RIN3: variants seen among roughly 807,000 people sequenced by gnomAD.
The protein encoded by RIN3 is Ras and Rab interactor 3.
A neutral mutation model predicts 76.3 loss-of-function variants in RIN3; 54 were observed. The observed-to-expected ratio is 0.71, with a 90% CI of 0.57 to 0.89. The LOEUF is 0.89. Among genes scored for constraint, RIN3 ranks in the 40% least tolerant of loss-of-function variants. The pLI, the probability that RIN3 is intolerant of heterozygous loss-of-function variation, is 0.00. For synonymous variants in RIN3, 576 were observed against 564.0 expected, an observed-to-expected ratio of 1.02 and a Z score of -0.30; for missense variants, 1,256 against 1,322.1, an observed-to-expected ratio of 0.95 and a Z score of 0.78.
rs541907123 is a variant in RIN3 at position 92,599,458 on chromosome 14, C to T, written c.368-15949C>T. On this transcript the variant is annotated intron_variant, in intron 3 of 9. Coordinates refer to ENST00000216487, the MANE Select transcript of RIN3 (RefSeq NM_024832.5). The stretch of plus-strand genomic sequence containing the variant: ...ATGAAGGAAGAGGAGCCAGTGGTGC[C>T]TCAGGGGTACCTGGTGTCAGGGACT... Among the ~76,000 whole-genome samples, 3 of 152,280 alleles carry T rather than the reference C, an allele frequency of 2.0e-5. No homozygotes were observed. In the East Asian group the frequency reaches 5.8e-4, roughly 29 times the overall value.
intron 2 of RIN3, among the ~76,000 whole-genome samples, chr14:92,575,166 T>C (rs1313004178): frequency 1.3e-5 from 2 of 152,106 alleles, no homozygotes; most frequent in Non-Finnish European, 2.9e-5. Context: ...ATAACAACTA[T>C]AGAATAACAA....
At chr14:92,533,834 C>G (rs1896936256) in intron 1 of RIN3, among the ~76,000 whole-genome samples, 1 of 152,178 alleles carries the variant, frequency 6.6e-6, no homozygotes, top group South Asian at 2.1e-4. Context: ...ACTCAGGTAA[C>G]CAAATACCAC....
intron 7 of RIN3, among the ~76,000 whole-genome samples, chr14:92,667,069 C>G (rs1391244334): frequency 6.6e-6 from 1 of 151,956 alleles, no homozygotes; most frequent in Non-Finnish European, 1.5e-5. Flanking sequence ...ACAGCTGGTT[C>G]AGGCAGGGGC....
Position 92,558,604 on chromosome 14 carries a change from C to T in RIN3, c.249+2649C>T, listed in dbSNP as rs904303036. Reference sequence around the variant, plus strand: ...TGCAAGTGGATTATTTGGGTAGTAACCCCAGGAAGCACCAGTAGGGGAACC... The same window carrying T: ...TGCAAGTGGATTATTTGGGTAGTAATCCCAGGAAGCACCAGTAGGGGAACC... On this transcript the variant is annotated intron_variant, in intron 2 of 9. Transcript: ENST00000216487. Among the ~76,000 whole-genome samples the T allele has an allele frequency of 5.3e-5, 8 of 152,140 alleles. No homozygotes were observed. In the East Asian group the frequency reaches 1.3e-3, roughly 26 times the overall value.
chr14:92,639,947 C>T lies in RIN3; in HGVS notation c.441-1291C>T, dbSNP rs1469042923. Among the ~76,000 whole-genome samples the T allele has an allele frequency of 3.7e-5, 4 of 107,184 alleles. No homozygotes were observed. In the Admixed American group the frequency reaches 4.2e-4, roughly 11 times the overall value. 70.3% of individuals were successfully genotyped at this position (107,184 alleles called of 152,430 possible). A position where few individuals can be genotyped will look rare whatever the true frequency, so the allele number is the denominator to read the frequency against. The stretch of plus-strand genomic sequence containing the variant: ...CGGGGGCTGCCTGACTGTGCGTTTG[C>T]TGGGAGATGCCTGACTGTGTGTTCG... On this transcript the variant is annotated intron_variant, in intron 4 of 9. Transcript: ENST00000216487.
chr14:92,659,521 C>A, intron 7 of RIN3, 52 bp downstream of exon 7: 1 of 1,491,374 alleles, frequency 6.7e-7, no homozygotes. Context: ...TTGTATGGGT[C>A]CATGACCCCA....
chr14:92,532,137 C>T (rs557039146), intron 1 of RIN3, among the ~76,000 whole-genome samples: 28 of 152,128 alleles, frequency 1.8e-4, no homozygotes, highest in East Asian at 5.8e-4. Flanking sequence ...CCATGTTGGC[C>T]GGGCTATTCT....
At position 92,688,289 on chromosome 14, in the gene RIN3, A is replaced by T. The variant is rs776912092; in HGVS notation, c.*37A>T. 10 of 1,484,742 alleles carry T rather than the reference A, an allele frequency of 6.7e-6. No individual in the cohort carries two copies. The Admixed American group carries it at 2.2e-4, about 33-fold the overall frequency. The allele number at this position is 1,484,742 out of a possible 1,614,324, so 92.0% of individuals were successfully genotyped here. A position where few individuals can be genotyped will look rare whatever the true frequency, so the allele number is the denominator to read the frequency against. ...GGCGCCTCCCCTCACCCCCAGGCGC[A>T]CGTCTGGCCCCGCCTCTGGCTGCGC... is the stretch of plus-strand genomic sequence containing the variant. On this transcript the variant is annotated 3_prime_UTR_variant, in exon 10 of 10. Transcript: ENST00000216487.
At chr14:92,638,251 C>G (rs1886847043) in intron 4 of RIN3, among the ~76,000 whole-genome samples, 1 of 152,200 alleles carries the variant, frequency 6.6e-6, no homozygotes, top group Non-Finnish European at 1.5e-5. Flanking sequence ...GCTATTCCCT[C>G]TATGCGTAAA....
Position 92,608,127 on chromosome 14 carries a change from C to A in RIN3, c.368-7280C>A, listed in dbSNP as rs146546722. Among the ~76,000 whole-genome samples, 532 of 152,148 alleles carry A rather than the reference C, an allele frequency of 3.5e-3. 12 individuals carry two copies. In the South Asian group the frequency reaches 0.05, roughly 14 times the overall value. ...CGAAGCTACCTATGTGATAAAATTG[C>A]CTAATACTATACAAACACACACACA... On this transcript the variant is annotated intron_variant, in intron 3 of 9. Transcript: ENST00000216487.
At chr14:92,673,837 T>TG (rs1385574042) in intron 7 of RIN3, among the ~76,000 whole-genome samples, 1 of 152,228 alleles carries the variant, frequency 6.6e-6, no homozygotes, top group Non-Finnish European at 1.5e-5. Flanking sequence ...GGCTGTTGTC[T>TG]GTTTTATGAT....
At chr14:92,664,059 T>C (rs1403143100) in intron 7 of RIN3, among the ~76,000 whole-genome samples, 1 of 152,028 alleles carries the variant, frequency 6.6e-6, no homozygotes, top group Non-Finnish European at 1.5e-5. Context: ...TTCCCAACAA[T>C]ACAGAAGCTG....
intron 3 of RIN3, among the ~76,000 whole-genome samples, chr14:92,581,382 A>G (rs1393220621): frequency 6.6e-6 from 1 of 152,198 alleles, no homozygotes; most frequent in African/African-American, 2.4e-5. Context: ...CGGAAACCCA[A>G]GAGCCAGCTG....
intron 1 of RIN3, among the ~76,000 whole-genome samples, chr14:92,553,836 CCT>C (rs905870637): frequency 1.3e-5 from 2 of 152,130 alleles, no homozygotes. Flanking sequence ...CACTGCTGCC[CCT>C]GTTTAATACA....
Position 92,652,226 on chromosome 14 carries a change from G to T in RIN3, c.1177G>T (p.Glu393Ter). ...TGCCCCTCCCAGACGCCGCGTTTCC[G>T]AGAGGGTGTCCTTAGAAGACCAAAG... is the stretch of plus-strand genomic sequence containing the variant. Reference protein sequence around the residue: ...PTAPPRRRVSERVSLEDQSPG... With the variant: ...PTAPPRRRVS The change falls in exon 6 of 10, where the codon GAG (glutamate) becomes TAG (stop). Residue 393 changes from glutamate (E) to a stop codon, truncating the protein, a stop_gained. Coordinates refer to ENST00000216487, the MANE Select transcript of RIN3 (RefSeq NM_024832.5). LOFTEE classifies it high-confidence loss of function. This position sits in a 1 kb window ranked among gnomAD's most constrained non-coding sequence, Gnocchi z 6.4. The T allele has an allele frequency of 6.2e-7, 1 of 1,608,986 alleles. No homozygotes were observed. Among genetic ancestry groups the T allele is most frequent in the Non-Finnish European group, 8.5e-7 (1 of 1,176,838 alleles).
intron 3 of RIN3, among the ~76,000 whole-genome samples, chr14:92,603,482 G>A (rs1382697222): frequency 6.6e-6 from 1 of 152,110 alleles, no homozygotes; most frequent in Non-Finnish European, 1.5e-5. Context: ...GGTGTGGGAG[G>A]GGCTCAGTTA....
chr14:92,514,046 C>T lies in RIN3; in HGVS notation c.44+70C>T, dbSNP rs1896369143. On this transcript the variant is annotated intron_variant, in intron 1 of 9. Transcript: ENST00000216487. The surrounding 1 kb of genome is among the most constrained non-coding windows in gnomAD (Gnocchi z 7.2). ...CCCGCGTCCTGGCCGCCCCACTCCA[C>T]TTCTTGTCCCAGAGAGTCCTTCGGG... 2.8e-6 allele frequency: 3 copies of T among 1,061,734 alleles called. No individual in the cohort carries two copies. In the East Asian group the frequency reaches 9.7e-5, roughly 35 times the overall value. 65.8% of individuals were successfully genotyped at this position (1,061,734 alleles called of 1,614,324 possible). A position where few individuals can be genotyped will look rare whatever the true frequency, so the allele number is the denominator to read the frequency against.
At chr14:92,537,263 T>G (rs1020900356) in intron 1 of RIN3, among the ~76,000 whole-genome samples, 1 of 152,226 alleles carries the variant, frequency 6.6e-6, no homozygotes, top group African/African-American at 2.4e-5. Context: ...TAATATTTCC[T>G]ACATTGCTTT....
At chr14:92,617,637 A>G (rs1165459953) in intron 4 of RIN3, among the ~76,000 whole-genome samples, 1 of 152,230 alleles carries the variant, frequency 6.6e-6, no homozygotes, top group Non-Finnish European at 1.5e-5. Flanking sequence ...AAGAAATTGG[A>G]GTATGCTCCT....
Sources: gnomAD v4.1 joint callset for allele counts (sites outside exome capture counted in the v4.1 genomes callset) on GRCh38, gnomAD v4.1.1 for gene constraint, Gnocchi (gnomAD v3.1) non-coding constraint, MANE v1.5 for transcripts, NCBI Gene and HGNC (gene_info 2026-07-23, HGNC 2026-07-21) for gene names.